The following PTPRD variants were observed in gnomAD, a reference collection of about 807,000 sequenced individuals.
The protein encoded by PTPRD is receptor-type tyrosine-protein phosphatase delta.
Under a neutral mutation model 214.5 loss-of-function variants are expected in PTPRD, and 34 were observed. The observed-to-expected ratio is 0.16, with a 90% CI of 0.12 to 0.21. The LOEUF is 0.21. Ranked by LOEUF, PTPRD falls within the 10% of genes least tolerant of loss-of-function variation. PTPRD has a pLI of 1.00. For missense variants in PTPRD, 2,545 were observed against 2,398.7 expected, an observed-to-expected ratio of 1.06 and a Z score of -1.27; for synonymous variants, 1,128 against 845.7, an observed-to-expected ratio of 1.33 and a Z score of -5.79.
chr9:9,805,331 T>G (rs1317875974), intron 5 of PTPRD, among the ~76,000 whole-genome samples: 1 of 152,154 alleles, frequency 6.6e-6, no homozygotes, highest in African/African-American at 2.4e-5. Context: ...TCAGTCTTTA[T>G]AGTGATATTG....
At chr9:9,562,247 C>T (rs867892792) in intron 8 of PTPRD, among the ~76,000 whole-genome samples, 1 of 152,136 alleles carries the variant, frequency 6.6e-6, no homozygotes, top group South Asian at 2.1e-4. Context: ...GTCCCTCAGG[C>T]AATTGGTTGG....
chr9:9,426,167 G>T (rs1434708150), intron 8 of PTPRD, among the ~76,000 whole-genome samples: 1 of 152,168 alleles, frequency 6.6e-6, no homozygotes, highest in African/African-American at 2.4e-5. Flanking sequence ...GCCAAGGGAA[G>T]CCGTGACAGA....
intron 10 of PTPRD, among the ~76,000 whole-genome samples, chr9:9,141,476 A>G (rs1410032899): frequency 6.6e-6 from 1 of 152,026 alleles, no homozygotes; most frequent in Non-Finnish European, 1.5e-5. Flanking sequence ...TTAGCACTGG[A>G]AGTAATAAGC....
intron 3 of PTPRD, among the ~76,000 whole-genome samples, chr9:10,203,179 T>C (rs1281221664): frequency 2.6e-5 from 4 of 151,400 alleles, no homozygotes; most frequent in Non-Finnish European, 2.9e-5. Context: ...CTTTTTTTTT[T>C]TTTTTTTTAA....
chr9:10,544,269 A>G (rs1002506066), intron 2 of PTPRD, among the ~76,000 whole-genome samples: 1 of 152,104 alleles, frequency 6.6e-6, no homozygotes, highest in Non-Finnish European at 1.5e-5. Context: ...TGTCACAGGG[A>G]CAAAGTTTCA....
Position 8,432,600 on chromosome 9 carries a change from G to A in PTPRD, c.4086+3992C>T, listed in dbSNP as rs180806749. Among the ~76,000 whole-genome samples the A allele has an allele frequency of 3.7e-4, 57 of 152,284 alleles. No homozygotes were observed. In the East Asian group the frequency reaches 0.011, roughly 28 times the overall value. ...TGCCAAAATAATCAGGTGTTTGAAA[G>A]CAATGTGAGTTTTCTTTCCTCCATT... is the stretch of plus-strand genomic sequence containing the variant. On this transcript the variant is annotated intron_variant, in intron 35 of 45. Transcript: ENST00000381196.
At chr9:9,601,157 G>T (rs1443738403) in intron 7 of PTPRD, among the ~76,000 whole-genome samples, 12 of 149,038 alleles carry the variant, frequency 8.1e-5, no homozygotes, top group Admixed American at 1.3e-4. Context: ...GTGTATGGGG[G>T]GGGGAGAGTG....
At chr9:10,528,274 C>T (rs994751960) in intron 2 of PTPRD, among the ~76,000 whole-genome samples, 4 of 152,170 alleles carry the variant, frequency 2.6e-5, no homozygotes, top group Non-Finnish European at 4.4e-5. Flanking sequence ...CTACCACAGA[C>T]CTGCTGTGCA....
At chr9:10,148,970 G>C (rs913923793) in intron 3 of PTPRD, among the ~76,000 whole-genome samples, 4 of 152,194 alleles carry the variant, frequency 2.6e-5, no homozygotes, top group African/African-American at 9.6e-5. Flanking sequence ...TGTGAGAACA[G>C]AAATGTGGTT....
At chr9:9,593,335 G>A (rs2092955381) in intron 7 of PTPRD, among the ~76,000 whole-genome samples, 2 of 150,890 alleles carry the variant, frequency 1.3e-5, no homozygotes, top group African/African-American at 4.9e-5. Flanking sequence ...TATTGCAGAA[G>A]GAGTAAGAAA....
chr9:9,825,345 A>G (rs111870862), intron 5 of PTPRD, among the ~76,000 whole-genome samples: 1 of 151,714 alleles, frequency 6.6e-6, no homozygotes, highest in Non-Finnish European at 1.5e-5. Flanking sequence ...AGAGACAAAG[A>G]AAGAGACAAA....
At chr9:8,878,025 A>G (rs2098409144) in intron 11 of PTPRD, among the ~76,000 whole-genome samples, 1 of 152,178 alleles carries the variant, frequency 6.6e-6, no homozygotes, top group Non-Finnish European at 1.5e-5. Context: ...TTGTCATTCT[A>G]CCCTCAAGTA....
chr9:10,302,027 T>A (rs1341292941), intron 3 of PTPRD, among the ~76,000 whole-genome samples: 1 of 152,156 alleles, frequency 6.6e-6, no homozygotes, highest in Non-Finnish European at 1.5e-5. Context: ...GAGGGAAAGC[T>A]TGGGTTACCC....
chr9:9,426,579 T>G (rs2081021699), intron 8 of PTPRD, among the ~76,000 whole-genome samples: 1 of 152,040 alleles, frequency 6.6e-6, no homozygotes, highest in African/African-American at 2.4e-5. Flanking sequence ...AGCACGGAGT[T>G]TGAGATCTGA....
intron 10 of PTPRD, among the ~76,000 whole-genome samples, chr9:9,021,716 C>A (rs2154370137): frequency 6.6e-6 from 1 of 151,720 alleles, no homozygotes; most frequent in East Asian, 1.9e-4. Context: ...CATGTGTAGG[C>A]CTAGACTAAT....
chr9:9,358,824 T>C (rs537748417), intron 9 of PTPRD, among the ~76,000 whole-genome samples: 21 of 151,448 alleles, frequency 1.4e-4, no homozygotes, highest in African/African-American at 4.8e-4. Flanking sequence ...TGCTTGTTTC[T>C]TAATCGCATT....
chr9:9,043,960 G>A (rs937041288), intron 10 of PTPRD, among the ~76,000 whole-genome samples: 1 of 143,614 alleles, frequency 7.0e-6, no homozygotes, highest in Admixed American at 6.9e-5. Context: ...AAAATAAAAT[G>A]AAAGTAAAAT....
intron 5 of PTPRD, among the ~76,000 whole-genome samples, chr9:9,891,332 T>C (rs145522251): frequency 2.8e-4 from 42 of 152,090 alleles, no homozygotes; most frequent in Admixed American, 2.2e-3. Flanking sequence ...ACCAAAGAGA[T>C]ATTAAGTTTG....
At chr9:10,581,743 G>A (rs1369953294) in intron 2 of PTPRD, among the ~76,000 whole-genome samples, 1 of 152,078 alleles carries the variant, frequency 6.6e-6, no homozygotes, top group Admixed American at 6.5e-5. Flanking sequence ...AGTCTCAGCA[G>A]TTTAGGTCAT....
Sources: allele counts gnomAD v4.1 joint callset (sites outside exome capture counted in the v4.1 genomes callset), GRCh38; gene constraint gnomAD v4.1.1; transcripts MANE v1.5; gene names NCBI Gene and HGNC (gene_info 2026-07-23, HGNC 2026-07-21).